The following THSD7B variants were observed in gnomAD, a reference collection of about 807,000 sequenced individuals.
The protein encoded by THSD7B is thrombospondin type-1 domain-containing protein 7B.
A neutral mutation model predicts 213.6 loss-of-function variants in THSD7B; 138 were observed. The observed-to-expected ratio is 0.65, with a 90% CI of 0.56 to 0.74. THSD7B has a LOEUF of 0.74. Ranked by LOEUF, THSD7B falls within the 30% of genes least tolerant of loss-of-function variation. The pLI, the probability that THSD7B is intolerant of heterozygous loss-of-function variation, is 0.00. For synonymous variants in THSD7B, 742 were observed against 687.0 expected, an observed-to-expected ratio of 1.08 and a Z score of -1.25; for missense variants, 1,931 against 1,991.5, an observed-to-expected ratio of 0.97 and a Z score of 0.58.
intron 2 of THSD7B, among the ~76,000 whole-genome samples, chr2:137,035,148 C>T (rs562770430): frequency 3.9e-5 from 6 of 152,224 alleles, no homozygotes; most frequent in South Asian, 2.1e-4. Context: ...TGAACTTTAT[C>T]GTTTCCCTTT....
intron 13 of THSD7B, among the ~76,000 whole-genome samples, chr2:137,410,279 T>G (rs1686623433): frequency 6.6e-6 from 1 of 152,042 alleles, no homozygotes; most frequent in Non-Finnish European, 1.5e-5. Flanking sequence ...TTTTTTTTTT[T>G]CTTTTTTGAG....
intron 2 of THSD7B, among the ~76,000 whole-genome samples, chr2:136,994,749 A>G (rs1408009066): frequency 1.3e-5 from 2 of 152,232 alleles, no homozygotes; most frequent in Non-Finnish European, 2.9e-5. Context: ...CTTGTTCCAC[A>G]TTATATAAAT....
At chr2:137,462,966 G>A (rs1021474252) in intron 15 of THSD7B, among the ~76,000 whole-genome samples, 2 of 152,080 alleles carry the variant, frequency 1.3e-5, no homozygotes, top group Non-Finnish European at 2.9e-5. Flanking sequence ...TTGTGAAGAA[G>A]GAAAACAAGT....
intron 15 of THSD7B, among the ~76,000 whole-genome samples, chr2:137,555,904 T>C (rs1680952121): frequency 6.6e-6 from 1 of 152,140 alleles, no homozygotes. Context: ...ATGCACAAGC[T>C]TCAGTAGCCA....
At position 137,031,924 on chromosome 2, in the gene THSD7B, C is replaced by G. The variant is rs185329463; in HGVS notation, c.140-24496C>G. Among the ~76,000 whole-genome samples, 193 of 151,866 alleles carry G rather than the reference C, an allele frequency of 1.3e-3. 1 individual carries two copies. Among genetic ancestry groups the G allele is most frequent in the African/African-American group, 4.3e-3 (176 of 41,352 alleles). ...TGACATGCTCACCGCTCACTACAGC[C>G]TCAACCTCCTGGGTTTAAACAATCC... On this transcript the variant is annotated intron_variant, in intron 2 of 27. Transcript: ENST00000409968.
intron 2 of THSD7B, among the ~76,000 whole-genome samples, chr2:136,991,402 G>A (rs1685781178): frequency 6.6e-6 from 1 of 152,060 alleles, no homozygotes; most frequent in African/African-American, 2.4e-5. Context: ...TCTATAGAAA[G>A]GTATATTGGC....
intron 15 of THSD7B, among the ~76,000 whole-genome samples, chr2:137,521,108 G>A (rs1307917876): frequency 6.6e-6 from 1 of 152,034 alleles, no homozygotes; most frequent in African/African-American, 2.4e-5. Flanking sequence ...GAGTCATTTG[G>A]GCATTGCCAG....
At chr2:137,295,544 C>T (rs950795067) in intron 12 of THSD7B, among the ~76,000 whole-genome samples, 10 of 151,362 alleles carry the variant, frequency 6.6e-5, no homozygotes, top group East Asian at 3.9e-4. Context: ...GGTGTGATCT[C>T]GGCTTACTGC....
intron 12 of THSD7B, among the ~76,000 whole-genome samples, chr2:137,311,077 T>A (rs1489477938): frequency 6.6e-6 from 1 of 151,126 alleles, no homozygotes; most frequent in Non-Finnish European, 1.5e-5. Context: ...TGGCATTGAA[T>A]CTGTAAATTA....
At chr2:137,283,489 G>A (rs1471869912) in intron 12 of THSD7B, among the ~76,000 whole-genome samples, 12 of 151,484 alleles carry the variant, frequency 7.9e-5, no homozygotes, top group African/African-American at 2.4e-4. Context: ...TTTTCAAAGG[G>A]AATGCTTCCA....
intron 7 of THSD7B, among the ~76,000 whole-genome samples, chr2:137,222,025 A>T (rs184703206): frequency 1.7e-4 from 26 of 152,336 alleles, no homozygotes; most frequent in African/African-American, 6.0e-4. Flanking sequence ...TTTTCTAGCT[A>T]AGACAAAATT....
intron 7 of THSD7B, among the ~76,000 whole-genome samples, chr2:137,193,844 C>T (rs1184314721): frequency 6.6e-6 from 1 of 151,172 alleles, no homozygotes; most frequent in Non-Finnish European, 1.5e-5. Context: ...ACCTAGATGG[C>T]AAATCATAGA....
At chr2:137,657,268 T>C (rs1683255044) in intron 24 of THSD7B, 108 bp downstream of exon 24, 1 of 999,252 alleles carries the variant, frequency 1.0e-6, no homozygotes, top group Non-Finnish European at 1.4e-6. Context: ...CTTGGGCAGG[T>C]AGCTTAGATG....
chr2:137,148,910 A>G (rs547525055), intron 5 of THSD7B, among the ~76,000 whole-genome samples: 1 of 152,356 alleles, frequency 6.6e-6, no homozygotes, highest in African/African-American at 2.4e-5. Context: ...TGCATAAATA[A>G]CAATGAGACA....
At chr2:136,909,606 G>C (rs928827285) in intron 2 of THSD7B, among the ~76,000 whole-genome samples, 1 of 152,138 alleles carries the variant, frequency 6.6e-6, no homozygotes, top group Admixed American at 6.5e-5. Context: ...ATCCATTTGA[G>C]CTTATATTTA....
chr2:137,223,477 C>G (rs6722499), intron 7 of THSD7B, among the ~76,000 whole-genome samples: 1 of 151,802 alleles, frequency 6.6e-6, no homozygotes, highest in South Asian at 2.1e-4. Context: ...AATGAAATAT[C>G]GAGTTTTACC....
intron 20 of THSD7B, among the ~76,000 whole-genome samples, chr2:137,634,010 T>C (rs1682788537): frequency 6.6e-6 from 1 of 152,166 alleles, no homozygotes. Flanking sequence ...ACTTATGTTG[T>C]CATCCACTAG....
intron 1 of THSD7B, among the ~76,000 whole-genome samples, chr2:136,838,730 G>A (rs181850029): frequency 5.5e-4 from 83 of 152,276 alleles, no homozygotes; most frequent in Admixed American, 1.2e-3. Context: ...TGGCCATTTT[G>A]ATCTGACCCT....
intron 12 of THSD7B, among the ~76,000 whole-genome samples, chr2:137,324,024 G>A (rs1684316301): frequency 6.6e-6 from 1 of 152,182 alleles, no homozygotes; most frequent in South Asian, 2.1e-4. Context: ...GGCCCAAAAA[G>A]AGATTTTATC....
Sources: allele counts gnomAD v4.1 joint callset (sites outside exome capture counted in the v4.1 genomes callset), GRCh38; gene constraint gnomAD v4.1.1; transcripts MANE v1.5; gene names NCBI Gene and HGNC (gene_info 2026-07-23, HGNC 2026-07-21).